Variants in BLTP2 observed in about 807,000 individuals in gnomAD.
BLTP2 encodes the protein bridge-like lipid transfer protein family member 2.
chr17:28,617,123 T>C, the BLTP2 span: 3 of 1,193,414 alleles, frequency 2.5e-6, no homozygotes, highest in South Asian at 1.3e-5. Context: ...GCTTTCACCC[T>C]CTCAGATCAC....
chr17:28,628,785 T>G, the BLTP2 span, among the ~76,000 whole-genome samples: 1 of 152,008 alleles, frequency 6.6e-6, no homozygotes, highest in African/African-American at 2.4e-5. Flanking sequence ...ATACAAAAAA[T>G]TAGCTGGGCA....
At chr17:28,640,753 G>A in the BLTP2 span, 2 of 1,476,404 alleles carry the variant, frequency 1.4e-6, no homozygotes, top group Admixed American at 1.7e-5. Context: ...AAATGCCCTG[G>A]CCTCTATGGT....
At chr17:28,639,384 T>G in the BLTP2 span, 12 of 1,613,444 alleles carry the variant, frequency 7.4e-6, no homozygotes, top group Middle Eastern at 1.6e-4. Context: ...GTGCAGCCAG[T>G]GAGAGAATTC....
At chr17:28,621,534 GA>G in the BLTP2 span, 4 of 1,500,150 alleles carry the variant, frequency 2.7e-6, no homozygotes, top group African/African-American at 4.1e-5. Flanking sequence ...TAGCTCCTGG[GA>G]AAAGAGTGGC....
At chr17:28,634,808 G>T in the BLTP2 span, 10 of 1,613,704 alleles carry the variant, frequency 6.2e-6, no homozygotes, top group Non-Finnish European at 8.5e-6. Context: ...TTGCGGGCAG[G>T]CAACAACTCC....
At chr17:28,620,502 T>C in the BLTP2 span, 6 of 1,614,144 alleles carry the variant, frequency 3.7e-6, no homozygotes, top group South Asian at 2.2e-5. Flanking sequence ...CAAGGGCCCA[T>C]GCTCACCTTC....
At chr17:28,615,226 C>T in the BLTP2 span, 1 of 1,608,504 alleles carries the variant, frequency 6.2e-7, no homozygotes, top group Non-Finnish European at 8.5e-7. Flanking sequence ...CAGACTTCAG[C>T]CTTAGCTTCT....
At chr17:28,642,078 C>T in the BLTP2 span, 1 of 1,613,264 alleles carries the variant, frequency 6.2e-7, no homozygotes, top group Non-Finnish European at 8.5e-7. Context: ...CAGGTGTCCT[C>T]CTGTGGGGAT....
chr17:28,616,519 A>G, the BLTP2 span: 2 of 1,614,072 alleles, frequency 1.2e-6, no homozygotes, highest in African/African-American at 2.7e-5. The surrounding 1 kb of genome is among the most constrained non-coding windows in gnomAD (Gnocchi z 4.8). Context: ...CCTATGAAAA[A>G]GCAAGTGTAC....
At chr17:28,634,124 G>A in the BLTP2 span, 29 of 1,572,040 alleles carry the variant, frequency 1.8e-5, 1 homozygote, top group African/African-American at 1.4e-4. Flanking sequence ...GCTACTCAGG[G>A]GCAGTCTGAG....
the BLTP2 span, chr17:28,635,486 C>T: frequency 6.2e-7 from 1 of 1,614,186 alleles, no homozygotes; most frequent in East Asian, 2.2e-5. Flanking sequence ...AGGGATGGTA[C>T]AGTCTCAGGA....
the BLTP2 span, chr17:28,619,928 G>A: frequency 1.2e-6 from 2 of 1,613,940 alleles, no homozygotes; most frequent in African/African-American, 1.3e-5. Context: ...ACAGCCTCCT[G>A]CAAATGCAGT....
At chr17:28,626,221 T>A in the BLTP2 span, among the ~76,000 whole-genome samples, 1 of 152,210 alleles carries the variant, frequency 6.6e-6, no homozygotes, top group African/African-American at 2.4e-5. Flanking sequence ...ATTCAGTAGT[T>A]CACCACTGCC....
the BLTP2 span, chr17:28,639,500 T>C: frequency 6.2e-7 from 1 of 1,613,518 alleles, no homozygotes; most frequent in Non-Finnish European, 8.5e-7. Flanking sequence ...TGGGTTTTAT[T>C]TCACAAACTC....
chr17:28,621,273 C>T, the BLTP2 span: 1 of 1,448,512 alleles, frequency 6.9e-7, no homozygotes, highest in Non-Finnish European at 9.7e-7. Context: ...CTGCTTTCAA[C>T]CCAGCCTAGC....
At chr17:28,643,512 C>T in the BLTP2 span, 1 of 1,413,618 alleles carries the variant, frequency 7.1e-7, no homozygotes, top group South Asian at 1.2e-5. Flanking sequence ...ACCTCCCTTC[C>T]TCCTTGGATT....
chr17:28,628,220 A>C, the BLTP2 span: 4 of 1,549,552 alleles, frequency 2.6e-6, no homozygotes, highest in East Asian at 6.8e-5. Flanking sequence ...GCCCATATCC[A>C]TGTTCTAAAC....
At chr17:28,640,108 T>A in the BLTP2 span, 2 of 1,520,202 alleles carry the variant, frequency 1.3e-6, no homozygotes, top group Admixed American at 3.7e-5. Context: ...AAGTAATTAT[T>A]TTTTGGCCAG....
At chr17:28,641,071 T>C in the BLTP2 span, among the ~76,000 whole-genome samples, 3 of 152,214 alleles carry the variant, frequency 2.0e-5, no homozygotes, top group Non-Finnish European at 4.4e-5. Flanking sequence ...TCCTTTGGTA[T>C]CCTTGGAGCT....
Sources: allele counts gnomAD v4.1 joint callset (sites outside exome capture counted in the v4.1 genomes callset), GRCh38; gene constraint gnomAD v4.1.1; non-coding constraint Gnocchi (gnomAD v3.1); transcripts MANE v1.5; gene names NCBI Gene and HGNC (gene_info 2026-07-23, HGNC 2026-07-21).